Variants in VPS33A observed in about 807,000 individuals in gnomAD.
VPS33A encodes VPS33A core subunit of CORVET and HOPS complexes.
In VPS33A, 32 loss-of-function variants were observed where a neutral mutation model predicts 71.8. That is an observed-to-expected ratio of 0.45 (90% confidence interval 0.34 to 0.60). The LOEUF (loss-of-function observed/expected upper bound fraction) is 0.60, where lower values mean the gene tolerates loss of function less well. Ranked by LOEUF, VPS33A falls within the 20% of genes least tolerant of loss-of-function variation. VPS33A has a pLI of 0.02. For missense variants in VPS33A, 625 were observed against 748.5 expected (o/e 0.84, Z 1.92); for synonymous variants, 311 against 292.7 (o/e 1.06, Z -0.64).
At chr12:122,263,777 AC>A (rs1487276295) in intron 2 of VPS33A, 78 bp from the exon 3 acceptor site, 6 of 1,448,112 alleles carry the variant, frequency 4.1e-6, no homozygotes, top group African/African-American at 1.4e-5. Context: ...AATCATAAAT[AC>A]CCCCAATCAA....
At chr12:122,242,297 G>C in intron 8 of VPS33A, 85 bp downstream of exon 8, 1 of 1,517,172 alleles carries the variant, frequency 6.6e-7, no homozygotes, top group South Asian at 1.2e-5. Context: ...TCCCGAAGAG[G>C]CATTGTGGTG....
intron 9 of VPS33A, 145 bp from the exon 10 acceptor site, chr12:122,238,869 A>T: frequency 1.0e-6 from 1 of 961,232 alleles, no homozygotes; most frequent in South Asian, 1.6e-5. Context: ...AATAAAGGAG[A>T]TACGTGGGAA....
At chr12:122,234,928 G>A (rs1313048112) in intron 11 of VPS33A, among the ~76,000 whole-genome samples, 1 of 152,040 alleles carries the variant, frequency 6.6e-6, no homozygotes, top group African/African-American at 2.4e-5. Context: ...CCCTCTCCTT[G>A]TCCTTCAGGC....
At position 122,239,749 on chromosome 12, in the gene VPS33A, C is replaced by CAAAAAAAAAAA. The variant is rs5801475; in HGVS notation, c.1164+118_1164+128dup. 298 of 197,812 alleles carry CAAAAAAAAAAA rather than the reference C, an allele frequency of 1.5e-3. 53 individuals carry two copies. The highest frequency in any genetic ancestry group is 2.9e-3 in the Middle Eastern group (2 of 700). 12.3% of individuals were successfully genotyped at this position (197,812 alleles called of 1,614,324 possible). ...GGTGACACACAGTGAGACTCCGTCT[C>CAAAAAAAAAAA]AAAAAAAAAAAAAAAAAAAAAAAAA... is the stretch of plus-strand genomic sequence containing the variant. On this transcript the variant is annotated intron_variant, in intron 9 of 12. Coordinates refer to ENST00000267199, the MANE Select transcript of VPS33A (RefSeq NM_022916.6).
Position 122,261,372 on chromosome 12 carries a change from C to T in VPS33A, c.372G>A (p.Arg124=). 6.2e-7 allele frequency: 1 copy of T among 1,614,072 alleles called. No homozygotes were observed. The highest frequency in any genetic ancestry group is 1.1e-5 in the South Asian group (1 of 91,046). Residue 124 remains arginine, a synonymous_variant, in exon 4 of 13, where the codon CGG becomes CGA. Transcript: ENST00000267199. ...VPRRSLLCEQ[R]LKDLGVLGSF... ...ATCCCAAGACACCCAGATCCTTCAA[C>T]CGCTGTTCGCACAACAGGCTACGGC...
chr12:122,250,016 C>G lies in VPS33A; in HGVS notation c.630G>C (p.Lys210Asn). The change falls in exon 6 of 13, where the codon AAG (lysine) becomes AAC (asparagine). Residue 210 changes from lysine to asparagine, a missense_variant. Physicochemically the swap from Lys to Asn is moderately conservative, Grantham distance 94. Transcript: ENST00000267199. ...AATTCTGGCTTCCTGTAAACTCTCT[C>G]TTCATCCTGATCATCATATTGGCCA... ...RQVANMMIRM[K>N]REFTGSQNSI... 1 of 1,612,930 alleles carries G rather than the reference C, an allele frequency of 6.2e-7. No individual in the cohort carries two copies. The highest frequency in any genetic ancestry group is 8.5e-7 in the Non-Finnish European group (1 of 1,179,576).
rs747343899 is a variant in VPS33A at position 122,266,271 on chromosome 12, G to T, written c.102+36C>A. The T allele has an allele frequency of 2.5e-6, 4 of 1,602,476 alleles. No homozygotes were observed. In the Middle Eastern group the frequency reaches 4.9e-4, roughly 198 times the overall value. ...CGGATTAAACCAGGCCGGACCAGGG[G>T]AGGCGAGGGCGGTGTCGCTGCCTCC... is the stretch of plus-strand genomic sequence containing the variant. On this transcript the variant is annotated intron_variant, in intron 1 of 12. Coordinates refer to ENST00000267199, the MANE Select transcript of VPS33A (RefSeq NM_022916.6).
chr12:122,240,271 T>C (rs563174293), intron 8 of VPS33A, among the ~76,000 whole-genome samples: 2 of 152,084 alleles, frequency 1.3e-5, no homozygotes, highest in African/African-American at 2.4e-5. Flanking sequence ...GAGGTTACAG[T>C]GAGCCAAGAT....
In VPS33A at chr12:122,242,439, C is replaced by G. The variant is rs1954727940; in HGVS notation, c.1039G>C (p.Ala347Pro). The change falls in exon 8 of 13, where the codon GCA becomes CCA. Residue 347 changes from alanine (A) to proline (P), a missense_variant. Coordinates refer to ENST00000267199, the MANE Select transcript of VPS33A (RefSeq NM_022916.6). ...GTATGGTTTGCAAGCGAGCCCCTTG[C>G]TGCCTGCATGTGGGGCAACTGGGAA... The part of the protein sequence containing the change: ...FVSQLPHMQA[A>P]RGSLANHTSI... The G allele has an allele frequency of 1.2e-6, 2 of 1,614,156 alleles. No individual in the cohort carries two copies. Among genetic ancestry groups the G allele is most frequent in the Non-Finnish European group, 1.7e-6 (2 of 1,180,002 alleles).
intron 8 of VPS33A, among the ~76,000 whole-genome samples, chr12:122,240,821 C>T (rs1034496268): frequency 2.6e-5 from 4 of 152,076 alleles, no homozygotes; most frequent in African/African-American, 4.8e-5. Context: ...AGAACATGCG[C>T]CAATAAGTAA....
In VPS33A at chr12:122,230,639, A is replaced by C. The variant is rs937083610; in HGVS notation, c.*1607T>G. 5 of 152,216 alleles carry C rather than the reference A, an allele frequency of 3.3e-5. No homozygotes were observed. The highest frequency in any genetic ancestry group is 1.2e-4 in the African/African-American group (5 of 41,456). 9.4% of individuals were successfully genotyped at this position (152,216 alleles called of 1,614,324 possible). A position where few individuals can be genotyped will look rare whatever the true frequency, so the allele number is the denominator to read the frequency against. Reference sequence around the variant, plus strand: ...ACTAATGAAAAAGGTGGGGAAAAACAATGTGTGGTTACTAATCAACAACCA... The same window carrying C: ...ACTAATGAAAAAGGTGGGGAAAAACCATGTGTGGTTACTAATCAACAACCA... On this transcript the variant is annotated 3_prime_UTR_variant, in exon 13 of 13. Transcript: ENST00000267199.
intron 4 of VPS33A, among the ~76,000 whole-genome samples, chr12:122,252,602 G>A (rs759006131): frequency 1.3e-4 from 19 of 151,960 alleles, no homozygotes; most frequent in Admixed American, 8.5e-4. Flanking sequence ...AAGAGAGAGA[G>A]AAAAAAACCA....
At chr12:122,239,658 G>A (rs1446151411) in intron 9 of VPS33A, among the ~76,000 whole-genome samples, 11 of 149,956 alleles carry the variant, frequency 7.3e-5, no homozygotes, top group Admixed American at 6.7e-4. Context: ...GTCAACCCGG[G>A]AGGCGGAGCT....
Position 122,261,311 on chromosome 12 carries a change from T to C in VPS33A, c.433A>G (p.Ile145Val). 1 of 1,610,652 alleles carries C rather than the reference T, an allele frequency of 6.2e-7. No individual in the cohort carries two copies. The highest frequency in any genetic ancestry group is 8.5e-7 in the Non-Finnish European group (1 of 1,177,828). ...IHREEYSLDLIPFDGDLLSME... is the reference protein window; with the variant it reads ...IHREEYSLDLVPFDGDLLSME... Reference sequence around the variant, plus strand: ...GATAAGAGATCCCCATCGAATGGAATGAGATCTAAGCTGTACTCCTCCCTG... The same window carrying C: ...GATAAGAGATCCCCATCGAATGGAACGAGATCTAAGCTGTACTCCTCCCTG... Residue 145 changes from isoleucine to valine, a missense_variant, in exon 4 of 13, where the codon ATT becomes GTT. Ile to Val is a conservative substitution (Grantham distance 29, BLOSUM62 3). Coordinates refer to ENST00000267199, the MANE Select transcript of VPS33A (RefSeq NM_022916.6).
chr12:122,265,279 T>C (rs1019928037), intron 1 of VPS33A, among the ~76,000 whole-genome samples: 8 of 152,270 alleles, frequency 5.3e-5, no homozygotes, highest in East Asian at 1.9e-4. Context: ...CAAGGCCATA[T>C]AGACCTTGGA....
intron 3 of VPS33A, among the ~76,000 whole-genome samples, chr12:122,263,213 G>A (rs1438759310): frequency 2.0e-5 from 3 of 151,850 alleles, no homozygotes; most frequent in East Asian, 1.9e-4. Flanking sequence ...GGCTGGTCTC[G>A]AACCCCTGAC....
intron 1 of VPS33A, among the ~76,000 whole-genome samples, chr12:122,265,948 C>A (rs1490455701): frequency 2.0e-5 from 3 of 152,194 alleles, no homozygotes; most frequent in African/African-American, 7.2e-5. Context: ...ACGTATGATC[C>A]CTGTAATGAA....
intron 6 of VPS33A, among the ~76,000 whole-genome samples, chr12:122,246,815 T>A (rs1160122760): frequency 6.6e-6 from 1 of 152,194 alleles, no homozygotes; most frequent in African/African-American, 2.4e-5. Context: ...TTGGTCAGGC[T>A]GGTCTCGAAC....
chr12:122,246,620 GAC>G (rs1954780712), intron 6 of VPS33A, among the ~76,000 whole-genome samples: 6 of 149,730 alleles, frequency 4.0e-5, no homozygotes, highest in Non-Finnish European at 7.4e-5. Context: ...TTTTAATTGA[GAC>G]ACAGTCTCAG....
Sources: gnomAD v4.1 joint callset for allele counts (sites outside exome capture counted in the v4.1 genomes callset) on GRCh38, gnomAD v4.1.1 for gene constraint, MANE v1.5 for transcripts, NCBI Gene and HGNC (gene_info 2026-07-23, HGNC 2026-07-21) for gene names.